Variants in PLXNC1 observed in about 807,000 individuals in gnomAD.
PLXNC1 encodes plexin C1.
Under a neutral mutation model 178.2 loss-of-function variants are expected in PLXNC1, and 75 were observed. That is an observed-to-expected ratio of 0.42 (90% confidence interval 0.35 to 0.51). The LOEUF (loss-of-function observed/expected upper bound fraction) is 0.51. Among genes scored for constraint, PLXNC1 ranks in the 20% least tolerant of loss-of-function variants. PLXNC1 has a pLI of 0.02. For missense variants in PLXNC1, 1,503 were observed against 1,984.4 expected, an observed-to-expected ratio of 0.76 and a Z score of 4.61; for synonymous variants, 790 against 779.9, an observed-to-expected ratio of 1.01 and a Z score of -0.22.
At position 94,296,307 on chromosome 12, in the gene PLXNC1, T is replaced by A. The variant is rs11107497; in HGVS notation, c.3935-882T>A. ...TCCCAAGTAGCTGGGATTACAGGAG[T>A]GTGCTACCATGCTCAGATACTCTTT... is the stretch of plus-strand genomic sequence containing the variant. On this transcript the variant is annotated intron_variant, in intron 24 of 30. Transcript: ENST00000258526. Among the ~76,000 whole-genome samples the A allele has an allele frequency of 9.1e-3, 1,388 of 152,100 alleles. 25 individuals are homozygous for A. Among genetic ancestry groups the A allele is most frequent in the African/African-American group, 0.032 (1,336 of 41,468 alleles).
intron 4 of PLXNC1, among the ~76,000 whole-genome samples, chr12:94,187,283 G>A (rs1962552628): frequency 6.6e-6 from 1 of 152,162 alleles, no homozygotes; most frequent in Non-Finnish European, 1.5e-5. Flanking sequence ...GTGGAGAGAT[G>A]CTGAAGGCTG....
Position 94,149,817 on chromosome 12 carries a change from C to A in PLXNC1, c.846C>A (p.Asp282Glu). ...EVLFQGQASL[D>E]CGHGHPDGRR... ...TGTTCCAGGGCCAGGCATCCCTCGACTGCGGCCACGGCCACCCCGACGGCC... is the reference window on the plus strand; with the variant it reads ...TGTTCCAGGGCCAGGCATCCCTCGAATGCGGCCACGGCCACCCCGACGGCC... The change falls in exon 1 of 31, where the codon GAC (aspartate) becomes GAA (glutamate). Residue 282 changes from aspartate to glutamate, a missense_variant. Coordinates refer to ENST00000258526, the MANE Select transcript of PLXNC1 (RefSeq NM_005761.3). 6.2e-7 allele frequency: 1 copy of A among 1,602,116 alleles called. No individual in the cohort carries two copies. The highest frequency in any genetic ancestry group is 8.5e-7 in the Non-Finnish European group (1 of 1,175,798).
At chr12:94,264,888 G>A (rs3751185) in intron 20 of PLXNC1, among the ~76,000 whole-genome samples, 191 bp from the exon 21 acceptor site, 1 of 152,252 alleles carries the variant, frequency 6.6e-6, no homozygotes, top group East Asian at 1.9e-4. Context: ...ATTCGCGATG[G>A]AGAGAGGAGG....
At chr12:94,289,973 A>G (rs527287609) in intron 23 of PLXNC1, among the ~76,000 whole-genome samples, 18 of 152,244 alleles carry the variant, frequency 1.2e-4, no homozygotes, top group Non-Finnish European at 2.5e-4. Flanking sequence ...TGAGCACAGC[A>G]CTAGCAGCGG....
At chr12:94,206,516 C>G (rs1217549279) in intron 4 of PLXNC1, among the ~76,000 whole-genome samples, 1 of 148,422 alleles carries the variant, frequency 6.7e-6, no homozygotes, top group Non-Finnish European at 1.5e-5. Context: ...TTCAGGCAAT[C>G]TTTTCTTTGC....
chr12:94,264,504 C>T (rs1380631817), intron 20 of PLXNC1, among the ~76,000 whole-genome samples: 1 of 131,896 alleles, frequency 7.6e-6, no homozygotes, highest in African/African-American at 3.0e-5. Context: ...GGGAACTGCC[C>T]GGGCCGGGCC....
intron 15 of PLXNC1, among the ~76,000 whole-genome samples, chr12:94,254,159 A>T (rs1177907230): frequency 6.6e-6 from 1 of 152,230 alleles, no homozygotes; most frequent in Non-Finnish European, 1.5e-5. Context: ...ATGCTGAGGA[A>T]CTTAACCCAG....
chr12:94,298,263 T>C (rs1968125852), intron 26 of PLXNC1, among the ~76,000 whole-genome samples: 1 of 152,210 alleles, frequency 6.6e-6, no homozygotes, highest in African/African-American at 2.4e-5. Flanking sequence ...CAGAGCAGCA[T>C]CACTTGAGCT....
intron 11 of PLXNC1, 146 bp downstream of exon 11, chr12:94,240,810 A>T: frequency 3.0e-6 from 2 of 662,180 alleles, no homozygotes; most frequent in Non-Finnish European, 5.2e-6. Flanking sequence ...TCCTAGAAAA[A>T]TGCATACCTG....
rs755091519 is a variant in PLXNC1, at chr12:94,187,174, A to AAGAGAGAGAG, written c.1439+711_1439+720dup. ...AGCCTTCGCTGCAGCTCAGGCAGGAAAGAGAGAGAGAGAGAGAGAAAAAAA... is the reference window on the plus strand; with the variant it reads ...AGCCTTCGCTGCAGCTCAGGCAGGAAAGAGAGAGAGAGAGAGAGAGAGAGAGAGAAAAAAA... On this transcript the variant is annotated intron_variant, in intron 4 of 30. Transcript: ENST00000258526. Among the ~76,000 whole-genome samples the AAGAGAGAGAG allele has an allele frequency of 5.2e-4, 55 of 105,914 alleles. 2 individuals are homozygous for AAGAGAGAGAG. Among genetic ancestry groups the AAGAGAGAGAG allele is most frequent in the African/African-American group, 1.6e-3 (54 of 33,958 alleles). The allele number at this position is 105,914 out of a possible 152,430, so 69.5% of individuals were successfully genotyped here.
intron 22 of PLXNC1, among the ~76,000 whole-genome samples, chr12:94,281,338 G>A (rs1013314808): frequency 6.6e-6 from 1 of 152,086 alleles, no homozygotes; most frequent in Non-Finnish European, 1.5e-5. Flanking sequence ...AGCTATGCTT[G>A]GAGCTCTTAC....
At chr12:94,196,054 C>T (rs1315741447) in intron 4 of PLXNC1, among the ~76,000 whole-genome samples, 5 of 152,172 alleles carry the variant, frequency 3.3e-5, no homozygotes, top group African/African-American at 4.8e-5. Flanking sequence ...GGGATCCTTC[C>T]CACCAGGACT....
intron 27 of PLXNC1, 80 bp downstream of exon 27, chr12:94,298,875 A>G: frequency 7.5e-7 from 1 of 1,337,412 alleles, no homozygotes; most frequent in South Asian, 1.3e-5. Context: ...AGATAGTTAT[A>G]GAAGGATTCA....
rs892116291 is a variant in PLXNC1, at chr12:94,288,622, G to A, written c.3880-5864G>A. Among the ~76,000 whole-genome samples the A allele has an allele frequency of 5.3e-5, 8 of 152,176 alleles. No individual in the cohort carries two copies. The South Asian group carries it at 1.5e-3, about 28-fold the overall frequency. ...ACCAGCCTGTGGAGGATGTTCTGAC[G>A]GCCCCTTCCAATGCACTGGTGAACC... On this transcript the variant is annotated intron_variant, in intron 23 of 30. Coordinates refer to ENST00000258526, the MANE Select transcript of PLXNC1 (RefSeq NM_005761.3).
At chr12:94,231,092 C>T (rs557164756) in intron 9 of PLXNC1, among the ~76,000 whole-genome samples, 2 of 152,182 alleles carry the variant, frequency 1.3e-5, no homozygotes, top group South Asian at 4.2e-4. Context: ...TCTCTGTGCC[C>T]GGGGCTTTGT....
intron 23 of PLXNC1, among the ~76,000 whole-genome samples, chr12:94,293,872 T>C (rs1967623430): frequency 6.6e-6 from 1 of 152,094 alleles, no homozygotes; most frequent in Admixed American, 6.6e-5. Context: ...CCTCCTCTTC[T>C]TCCTCCCAAA....
At chr12:94,253,864 G>T (rs984052390) in intron 15 of PLXNC1, among the ~76,000 whole-genome samples, 6 of 151,882 alleles carry the variant, frequency 4.0e-5, no homozygotes, top group African/African-American at 1.5e-4. Flanking sequence ...TGTAGAGACA[G>T]AAAAATATCT....
intron 4 of PLXNC1, among the ~76,000 whole-genome samples, chr12:94,195,612 A>C (rs892058600): frequency 6.6e-6 from 1 of 152,094 alleles, no homozygotes; most frequent in Non-Finnish European, 1.5e-5. Context: ...TCCTTCAATT[A>C]TCTGTACAAA....
At position 94,232,491 on chromosome 12, in the gene PLXNC1, C is replaced by CAAAAGTGATGGAGGGG. The variant is rs1565821980; in HGVS notation, c.1981-5173_1981-5172insAAAAGTGATGGAGGGG. ...AGAGTGAAATTAAATTTCACATATA[C>CAAAAGTGATGGAGGGG]CTTGCTGAGTAGCTTCTATGGGCCT... On this transcript the variant is annotated intron_variant, in intron 9 of 30. Transcript: ENST00000258526. Among the ~76,000 whole-genome samples, 29 of 152,280 alleles carry CAAAAGTGATGGAGGGG rather than the reference C, an allele frequency of 1.9e-4. No individual in the cohort carries two copies. In the South Asian group the frequency reaches 3.3e-3, roughly 17 times the overall value.
Sources: gnomAD v4.1 joint callset for allele counts (sites outside exome capture counted in the v4.1 genomes callset) on GRCh38, gnomAD v4.1.1 for gene constraint, MANE v1.5 for transcripts, NCBI Gene and HGNC (gene_info 2026-07-23, HGNC 2026-07-21) for gene names.